ZPLD1: variants seen among roughly 807,000 people sequenced by gnomAD.
ZPLD1 encodes the protein zona pellucida like domain containing 1, also known as zona pellucida-like domain-containing protein 1.
ZPLD1 carries 34 observed loss-of-function variants against 47.2 expected under a neutral mutation model. That is an observed-to-expected ratio of 0.72 (90% CI 0.55 to 0.96). ZPLD1 has a LOEUF of 0.96. Ranked by LOEUF, ZPLD1 falls within the 40% of genes least tolerant of loss-of-function variation. The probability of loss-of-function intolerance (pLI) is 0.00; values close to 1 mark genes in which losing one functional copy is unlikely to be tolerated. For synonymous variants in ZPLD1, 176 were observed against 186.2 expected (o/e 0.95, Z 0.45); for missense variants, 512 against 505.8 (o/e 1.01, Z -0.12).
chr3:102,391,625 A>G (rs540380878), intron 6 of ZPLD1, among the ~76,000 whole-genome samples: 3 of 152,094 alleles, frequency 2.0e-5, no homozygotes, highest in Non-Finnish European at 4.4e-5. Context: ...GAACCTTCTT[A>G]CTAGCCCTAA....
intron 7 of ZPLD1, among the ~76,000 whole-genome samples, chr3:102,406,810 C>G (rs1214582583): frequency 2.0e-5 from 3 of 151,932 alleles, no homozygotes; most frequent in African/African-American, 7.2e-5. Context: ...GCCTATCTTT[C>G]TCTTTGAGTG....
chr3:102,441,092 C>T (rs545456242), intron 3 of ZPLD1, among the ~76,000 whole-genome samples: 4 of 152,064 alleles, frequency 2.6e-5, no homozygotes, highest in South Asian at 2.1e-4. Flanking sequence ...GAGTCGCTGG[C>T]GGCCTGGGAA....
chr3:102,405,715 G>T (rs1189766908), intron 7 of ZPLD1, among the ~76,000 whole-genome samples: 2 of 151,932 alleles, frequency 1.3e-5, no homozygotes, highest in Non-Finnish European at 2.9e-5. Context: ...TTCTAATTCT[G>T]ATTTTTTTAA....
intron 3 of ZPLD1, among the ~76,000 whole-genome samples, chr3:102,441,149 T>G (rs1005693108): frequency 8.5e-5 from 13 of 152,098 alleles, no homozygotes; most frequent in Admixed American, 4.6e-4. Context: ...GAAGGCCAAG[T>G]AATAAAATGA....
At chr3:102,446,455 G>A (rs1340463233) in intron 3 of ZPLD1, among the ~76,000 whole-genome samples, 1 of 152,108 alleles carries the variant, frequency 6.6e-6, no homozygotes, top group Non-Finnish European at 1.5e-5. Context: ...TCTCAAATTT[G>A]TATTTCTTGT....
rs147808575 is a variant in ZPLD1 at position 102,456,545 on chromosome 3, A to ATATATATCTATC, written c.509+174_509+175insATATCTATCTAT. On this transcript the variant is annotated intron_variant, in intron 5 of 11. Coordinates refer to ENST00000466937, the MANE Select transcript of ZPLD1 (RefSeq NM_001329788.2). ...ATTTACCTCTATCTGTTTATCTATT[A>ATATATATCTATC]TATCTATCTATCTATCTATCTATCT... Among the ~76,000 whole-genome samples, 502 of 147,142 alleles carry ATATATATCTATC rather than the reference A, an allele frequency of 3.4e-3. 1 individual carries two copies. The highest frequency in any genetic ancestry group is 6.9e-3 in the Middle Eastern group (2 of 290).
intron 7 of ZPLD1, among the ~76,000 whole-genome samples, chr3:102,415,370 A>G (rs1254777723): frequency 6.6e-6 from 1 of 151,640 alleles, no homozygotes; most frequent in African/African-American, 2.4e-5. Flanking sequence ...GTTCAAAACT[A>G]TTTTCTGGCT....
At chr3:102,402,069 A>T (rs1706627363) in intron 7 of ZPLD1, among the ~76,000 whole-genome samples, 1 of 152,046 alleles carries the variant, frequency 6.6e-6, no homozygotes, top group African/African-American at 2.4e-5. Flanking sequence ...AGTCCTTTCT[A>T]TAATTAAAAA....
intron 3 of ZPLD1, among the ~76,000 whole-genome samples, chr3:102,441,204 G>A (rs1707171754): frequency 6.6e-6 from 1 of 152,144 alleles, no homozygotes; most frequent in African/African-American, 2.4e-5. Flanking sequence ...TTATATACTT[G>A]TAAAGGTGAA....
Position 102,414,032 on chromosome 3 carries a change from C to T in ZPLD1, c.-156-4028C>T, listed in dbSNP as rs541489961. Among the ~76,000 whole-genome samples the T allele has an allele frequency of 2.0e-5, 3 of 151,806 alleles. No individual in the cohort carries two copies. The East Asian group carries it at 5.8e-4, about 30-fold the overall frequency. On this transcript the variant is annotated intron_variant, in intron 7 of 17. Transcript: ENST00000491959. The stretch of plus-strand genomic sequence containing the variant: ...TTGAGGAGAGGAGGCGAGCTGTGTG[C>T]TTTCCAGTTGGACATGATTCCTGTT...
intron 7 of ZPLD1, among the ~76,000 whole-genome samples, chr3:102,404,327 T>C (rs1706656973): frequency 6.6e-6 from 1 of 151,886 alleles, no homozygotes; most frequent in South Asian, 2.1e-4. Flanking sequence ...GAAAATGAGG[T>C]ATTTACCACT....
intron 7 of ZPLD1, among the ~76,000 whole-genome samples, chr3:102,416,751 G>A (rs534568085): frequency 1.1e-3 from 168 of 151,880 alleles, no homozygotes; most frequent in African/African-American, 3.8e-3. Flanking sequence ...TTATATTAAA[G>A]GTATTTGAAA....
At chr3:102,406,957 G>A (rs1184914599) in intron 7 of ZPLD1, among the ~76,000 whole-genome samples, 2 of 151,832 alleles carry the variant, frequency 1.3e-5, no homozygotes, top group Admixed American at 1.3e-4. Context: ...TCAACAAAAT[G>A]AAAGTTATCA....
At chr3:102,399,856 T>C (rs1706599457) in intron 7 of ZPLD1, among the ~76,000 whole-genome samples, 3 of 152,124 alleles carry the variant, frequency 2.0e-5, no homozygotes. Context: ...TCTCTGTCTG[T>C]CGCCCAGGCT....
chr3:102,477,072 T>C (rs1425428134), intron 11 of ZPLD1, 31 bp downstream of exon 11: 1 of 1,612,256 alleles, frequency 6.2e-7, no homozygotes, highest in Non-Finnish European at 8.5e-7. Flanking sequence ...TGCAATGTTT[T>C]TTACATTTTT....
chr3:102,403,455 T>A lies in ZPLD1; in HGVS notation c.-157+11230T>A, dbSNP rs78916476. Among the ~76,000 whole-genome samples, 8 of 152,112 alleles carry A rather than the reference T, an allele frequency of 5.3e-5. No homozygotes were observed. In the East Asian group the frequency reaches 1.6e-3, roughly 29 times the overall value. ...CTATCATGAATTGGTGGAGAAAGAA[T>A]CAGTGGAAGAATCTTCAGTCCCATG... On this transcript the variant is annotated intron_variant, in intron 7 of 17. Coordinates refer to the ZPLD1 transcript ENST00000491959.
At chr3:102,404,655 G>A (rs1409856430) in intron 7 of ZPLD1, among the ~76,000 whole-genome samples, 1 of 151,974 alleles carries the variant, frequency 6.6e-6, no homozygotes, top group Non-Finnish European at 1.5e-5. Context: ...AATTGATCTA[G>A]TTCTAAGCAG....
intron 9 of ZPLD1, 85 bp from the exon 10 acceptor site, chr3:102,470,309 T>A: frequency 1.0e-6 from 1 of 997,838 alleles, no homozygotes; most frequent in Non-Finnish European, 1.6e-6. Context: ...TGGTATCTCT[T>A]CCAAAAGAAT....
chr3:102,476,869 G>A, intron 10 of ZPLD1, 143 bp from the exon 11 acceptor site: 1 of 854,130 alleles, frequency 1.2e-6, no homozygotes, highest in Non-Finnish European at 1.9e-6. Context: ...TTTCATTTTT[G>A]CCTTACTCAA....
Sources: allele counts gnomAD v4.1 joint callset (sites outside exome capture counted in the v4.1 genomes callset), GRCh38; gene constraint gnomAD v4.1.1; transcripts MANE v1.5; gene names NCBI Gene and HGNC (gene_info 2026-07-23, HGNC 2026-07-21).